Variants in C21orf91 observed in about 807,000 individuals in gnomAD.
C21orf91 encodes the protein chromosome 21 open reading frame 91.
C21orf91 carries 26 observed loss-of-function variants against 32.9 expected under a neutral mutation model. That is an observed-to-expected ratio of 0.79 (90% CI 0.58 to 1.10). The LOEUF (loss-of-function observed/expected upper bound fraction) is 1.10, where lower values mean the gene tolerates loss of function less well. Among genes scored for constraint, C21orf91 ranks in the 50% least tolerant of loss-of-function variants. C21orf91 has a pLI of 0.00. For missense variants in C21orf91, 310 were observed against 341.3 expected (o/e 0.91, Z 0.72); for synonymous variants, 126 against 120.4 (o/e 1.05, Z -0.31).
rs750198116 is a variant in C21orf91, at chr21:17,793,410, T to C, written c.*5A>G. The C allele has an allele frequency of 6.3e-7, 1 of 1,593,036 alleles. No individual in the cohort carries two copies. Among genetic ancestry groups the C allele is most frequent in the African/African-American group, 1.3e-5 (1 of 74,490 alleles). ...GGCAGGGCATACGAAGTAAGTCTGT[T>C]TAGGTCAGTTGTTTATGGGTAGGTG... is the stretch of plus-strand genomic sequence containing the variant. On this transcript the variant is annotated 3_prime_UTR_variant, in exon 5 of 5. Coordinates refer to ENST00000284881, the MANE Select transcript of C21orf91 (RefSeq NM_001100420.2).
At position 17,791,707 on chromosome 21, in the gene C21orf91, A is replaced by G. The variant is rs941727542; in HGVS notation, c.*1708T>C. ...GTAAGTTTGAATATTTTGATATTGC[A>G]CACATTTAATTTAAAGCTCATCAAA... is the stretch of plus-strand genomic sequence containing the variant. On this transcript the variant is annotated 3_prime_UTR_variant, in exon 5 of 5. Coordinates refer to ENST00000284881, the MANE Select transcript of C21orf91 (RefSeq NM_001100420.2). 3 of 152,148 alleles carry G rather than the reference A, an allele frequency of 2.0e-5. No individual in the cohort carries two copies. Among genetic ancestry groups the G allele is most frequent in the Non-Finnish European group, 2.9e-5 (2 of 67,986 alleles). The allele number at this position is 152,148 out of a possible 1,614,324, so 9.4% of individuals were successfully genotyped here.
Position 17,790,843 on chromosome 21 carries a change from T to C in C21orf91, c.*2572A>G, listed in dbSNP as rs1443403372. ...CACTTTTCTAATTTTTAAAACTCAA[T>C]TTAACGTGTCAAATTATAAAACTGA... On this transcript the variant is annotated 3_prime_UTR_variant, in exon 5 of 5. Transcript: ENST00000284881. 1 of 152,156 alleles carries C rather than the reference T, an allele frequency of 6.6e-6. No homozygotes were observed. Among genetic ancestry groups the C allele is most frequent in the Non-Finnish European group, 1.5e-5 (1 of 67,968 alleles). The allele number at this position is 152,156 out of a possible 1,614,324, so 9.4% of individuals were successfully genotyped here. A position where few individuals can be genotyped will look rare whatever the true frequency, so the allele number is the denominator to read the frequency against.
rs117868861 is a variant in C21orf91 at position 17,814,873 on chromosome 21, C to G, written c.127+3319G>C. 2.5e-3 allele frequency among the ~76,000 whole-genome samples: 373 copies of G among 152,160 alleles called. 10 individuals carry two copies. In the East Asian group the frequency reaches 0.068, roughly 28 times the overall value. ...ATCCAAACCATATCAAATGGTGAAG[C>G]ATAGGTTAAAAAAAAATCAACCTTG... On this transcript the variant is annotated intron_variant, in intron 2 of 4. Transcript: ENST00000284881.
rs200420591 is a variant in C21orf91, at chr21:17,797,007, T to G, written c.239A>C (p.Lys80Thr). 2 of 1,613,692 alleles carry G rather than the reference T, an allele frequency of 1.2e-6. No individual in the cohort carries two copies. Among genetic ancestry groups the G allele is most frequent in the Middle Eastern group, 1.7e-4 (1 of 6,054 alleles). ...NQGCPRSKLS[K>T]STYEEVKTIL... The stretch of plus-strand genomic sequence containing the variant: ...GGTTTTAACTTCTTCATAAGTACTT[T>G]TTGAAAGCTTAGATCGAGGACAACC... The change falls in exon 3 of 5, where the codon AAA (lysine) becomes ACA (threonine). Residue 80 changes from lysine (K) to threonine (T), a missense_variant. Coordinates refer to ENST00000284881, the MANE Select transcript of C21orf91 (RefSeq NM_001100420.2).
At chr21:17,816,556 G>A (rs1037775534) in intron 2 of C21orf91, among the ~76,000 whole-genome samples, 8 of 152,208 alleles carry the variant, frequency 5.3e-5, no homozygotes, top group African/African-American at 1.9e-4. Flanking sequence ...ACTAGAACCA[G>A]ACTGCCAGGC....
chr21:17,804,506 G>C (rs1230756570), intron 2 of C21orf91, among the ~76,000 whole-genome samples: 2 of 152,192 alleles, frequency 1.3e-5, no homozygotes, highest in African/African-American at 2.4e-5. Flanking sequence ...CCGTTTAAAA[G>C]TAAAAGGTAA....
intron 2 of C21orf91, among the ~76,000 whole-genome samples, chr21:17,799,515 G>A (rs918802714): frequency 6.6e-6 from 1 of 151,986 alleles, no homozygotes; most frequent in Admixed American, 6.6e-5. Flanking sequence ...TTTGCTGACC[G>A]TCTTAACAGA....
Position 17,793,480 on chromosome 21 carries a change from A to C in C21orf91, c.829T>G (p.Ser277Ala). The change falls in exon 5 of 5, where the codon TCT becomes GCT. Residue 277 changes from serine to alanine, a missense_variant. Transcript: ENST00000284881. ...CCTACTTGCAGACATGGTAACTTAG[A>C]ACAGTTCTTCAGAAGCTGTTCGATG... is the stretch of plus-strand genomic sequence containing the variant. ...VAIEQLLKNC[S>A]KLPCLQVGRT... is the part of the protein sequence containing the mutation. 1.2e-6 allele frequency: 2 copies of C among 1,613,620 alleles called. No individual in the cohort carries two copies. The highest frequency in any genetic ancestry group is 1.7e-6 in the Non-Finnish European group (2 of 1,179,770).
rs985894577 is a variant in C21orf91, at chr21:17,819,316, G to C, written c.-21C>G. ...CGGGGTCTTTACCGTCCGGCTCCGC[G>C]GGCCACCACCGCCGTTCCGTGCGGC... On this transcript the variant is annotated 5_prime_UTR_variant, in exon 1 of 5. Coordinates refer to ENST00000284881, the MANE Select transcript of C21orf91 (RefSeq NM_001100420.2). 1 of 152,380 alleles carries C rather than the reference G, an allele frequency of 6.6e-6. No homozygotes were observed. Among genetic ancestry groups the C allele is most frequent in the Non-Finnish European group, 1.5e-5 (1 of 68,218 alleles). 9.4% of individuals were successfully genotyped at this position (152,380 alleles called of 1,614,324 possible).
At chr21:17,797,146 C>G (rs560422132) in intron 2 of C21orf91, 28 bp from the exon 3 acceptor site, 8 of 1,484,024 alleles carry the variant, frequency 5.4e-6, no homozygotes, top group Non-Finnish European at 7.3e-6. Flanking sequence ...AAACAAAAGA[C>G]TTGAGAAATT....
intron 2 of C21orf91, among the ~76,000 whole-genome samples, chr21:17,799,646 C>T (rs1038710027): frequency 2.0e-5 from 3 of 152,058 alleles, no homozygotes; most frequent in African/African-American, 7.2e-5. Context: ...TCTCATTTCC[C>T]CTAAGAAGCC....
At chr21:17,795,004 C>CAA (rs56814896) in intron 4 of C21orf91, among the ~76,000 whole-genome samples, 2,588 of 104,532 alleles carry the variant, frequency 0.025, 41 homozygotes, top group Non-Finnish European at 0.037. Context: ...GATTCTGTCG[C>CAA]AAAAAAAAAA....
At chr21:17,819,112 C>T (rs984422085) in intron 1 of C21orf91, 191 bp downstream of exon 1, 2 of 152,224 alleles carry the variant, frequency 1.3e-5, no homozygotes, top group East Asian at 3.9e-4. Flanking sequence ...GCCCGGCCTT[C>T]GGCGTTGGGG....
At chr21:17,794,330 C>A (rs12481944) in intron 4 of C21orf91, among the ~76,000 whole-genome samples, 63,471 of 152,060 alleles carry the variant, frequency 0.42, 16,732 homozygotes, top group African/African-American at 0.75. Context: ...CTGAACATTA[C>A]TTGTTAGTGT....
chr21:17,795,129 AGCCAG>A, intron 4 of C21orf91, 74 bp downstream of exon 4: 1 of 874,568 alleles, frequency 1.1e-6, no homozygotes, highest in Non-Finnish European at 2.0e-6. Context: ...ATGTAGATAA[AGCCAG>A]TGGTGTCCTA....
intron 2 of C21orf91, among the ~76,000 whole-genome samples, chr21:17,803,092 T>C (rs2062572985): frequency 6.6e-6 from 1 of 152,220 alleles, no homozygotes; most frequent in Non-Finnish European, 1.5e-5. Context: ...GGTGGGCTTA[T>C]GTGTTCTTTC....
At chr21:17,805,907 G>A (rs2062590874) in intron 2 of C21orf91, among the ~76,000 whole-genome samples, 1 of 152,134 alleles carries the variant, frequency 6.6e-6, no homozygotes, top group Non-Finnish European at 1.5e-5. Flanking sequence ...TGAATTACTA[G>A]TTTTAAATAT....
intron 2 of C21orf91, among the ~76,000 whole-genome samples, chr21:17,812,588 T>C (rs1600888947): frequency 6.6e-6 from 1 of 152,244 alleles, no homozygotes; most frequent in Admixed American, 6.5e-5. Flanking sequence ...GGTGGGTGCA[T>C]CACGAGCTCA....
intron 2 of C21orf91, among the ~76,000 whole-genome samples, chr21:17,805,659 G>A (rs965105455): frequency 2.6e-5 from 4 of 152,096 alleles, no homozygotes; most frequent in African/African-American, 9.7e-5. Context: ...ACAACAGTAC[G>A]ATATAGAAAG....
Sources: allele counts gnomAD v4.1 joint callset (sites outside exome capture counted in the v4.1 genomes callset), GRCh38; gene constraint gnomAD v4.1.1; transcripts MANE v1.5; gene names NCBI Gene and HGNC (gene_info 2026-07-23, HGNC 2026-07-21).